Variants in VPS41 observed in about 807,000 individuals in gnomAD.
VPS41 encodes vacuolar protein sorting-associated protein 41 homolog.
A neutral mutation model predicts 130.9 loss-of-function variants in VPS41; 85 were observed. The observed-to-expected ratio is 0.65, with a 90% CI of 0.55 to 0.78. The LOEUF is 0.78. Ranked by LOEUF, VPS41 falls within the 30% of genes least tolerant of loss-of-function variation. VPS41 has a pLI of 0.00. For missense variants in VPS41, 874 were observed against 1,018.7 expected (o/e 0.86, Z 1.93); for synonymous variants, 335 against 332.9 (o/e 1.01, Z -0.07).
intron 25 of VPS41, among the ~76,000 whole-genome samples, chr7:38,731,676 C>A (rs2115562372): frequency 6.6e-6 from 1 of 152,278 alleles, no homozygotes; most frequent in Non-Finnish European, 1.5e-5. Context: ...GCACACTCTT[C>A]TGTTACTCAG....
intron 4 of VPS41, among the ~76,000 whole-genome samples, chr7:38,841,611 TTTG>T (rs942482746): frequency 7.9e-5 from 12 of 152,164 alleles, no homozygotes; most frequent in African/African-American, 1.2e-4. Flanking sequence ...ACTCACAACT[TTTG>T]TTGTTGTTGT....
intron 3 of VPS41, among the ~76,000 whole-genome samples, chr7:38,864,612 T>A (rs1178581814): frequency 6.6e-6 from 1 of 152,178 alleles, no homozygotes; most frequent in Non-Finnish European, 1.5e-5. Context: ...TGAGTCATAT[T>A]TTCATCATTT....
intron 17 of VPS41, among the ~76,000 whole-genome samples, chr7:38,759,493 A>G (rs1429670895): frequency 6.6e-6 from 1 of 152,214 alleles, no homozygotes; most frequent in Non-Finnish European, 1.5e-5. Context: ...AAGTTTGTTC[A>G]ATAAATATTT....
chr7:38,739,620 G>A (rs1368848450), intron 25 of VPS41, among the ~76,000 whole-genome samples: 5 of 152,124 alleles, frequency 3.3e-5, no homozygotes, highest in African/African-American at 7.2e-5. Context: ...ACCTGCCCCC[G>A]GAGAGCATTT....
chr7:38,897,644 C>CT (rs548150456), intron 2 of VPS41, among the ~76,000 whole-genome samples: 2 of 97,780 alleles, frequency 2.0e-5, no homozygotes, highest in East Asian at 6.1e-4. Flanking sequence ...GACTCCGTCT[C>CT]AAAAAAAAAA....
At chr7:38,827,460 A>C (rs1326912995) in intron 5 of VPS41, among the ~76,000 whole-genome samples, 1 of 152,226 alleles carries the variant, frequency 6.6e-6, no homozygotes, top group Non-Finnish European at 1.5e-5. Flanking sequence ...TTGCCTTGAA[A>C]AGTTCAGGTA....
At chr7:38,898,217 C>T (rs1262565479) in intron 1 of VPS41, 88 bp from the exon 2 acceptor site, 1 of 1,109,594 alleles carries the variant, frequency 9.0e-7, no homozygotes. Context: ...GTTCCTACTA[C>T]CACGCATCTG....
chr7:38,749,678 C>T (rs999559880), intron 22 of VPS41, among the ~76,000 whole-genome samples: 15 of 152,284 alleles, frequency 9.9e-5, no homozygotes, highest in Non-Finnish European at 1.9e-4. Flanking sequence ...CTATGAGTCG[C>T]TCTTTATACA....
intron 7 of VPS41, among the ~76,000 whole-genome samples, chr7:38,816,542 C>G (rs1170085513): frequency 6.6e-6 from 1 of 152,038 alleles, no homozygotes; most frequent in Non-Finnish European, 1.5e-5. Context: ...TCACTGGCTC[C>G]AAACCGAATA....
At chr7:38,883,554 G>A in intron 2 of VPS41, among the ~76,000 whole-genome samples, 1 of 152,028 alleles carries the variant, frequency 6.6e-6, no homozygotes, top group East Asian at 1.9e-4. Flanking sequence ...ATTTCACTTG[G>A]TTTATTATAT....
At chr7:38,890,464 T>C (rs747988660) in intron 2 of VPS41, among the ~76,000 whole-genome samples, 3 of 151,858 alleles carry the variant, frequency 2.0e-5, no homozygotes, top group Non-Finnish European at 4.4e-5. Context: ...TGCAGTGGAG[T>C]GGTGGTTACA....
chr7:38,854,785 T>C (rs550684209), intron 4 of VPS41, among the ~76,000 whole-genome samples: 33 of 151,968 alleles, frequency 2.2e-4, no homozygotes, highest in African/African-American at 8.0e-4. Flanking sequence ...GAAATTAGCA[T>C]TCTATGTGGA....
chr7:38,764,964 G>C (rs1299454610), intron 16 of VPS41, among the ~76,000 whole-genome samples: 1 of 152,152 alleles, frequency 6.6e-6, no homozygotes, highest in African/African-American at 2.4e-5. Context: ...TTACAGGGCA[G>C]ACAGGAGGAG....
chr7:38,809,803 G>A (rs1784908638), intron 7 of VPS41, among the ~76,000 whole-genome samples: 1 of 151,966 alleles, frequency 6.6e-6, no homozygotes, highest in African/African-American at 2.4e-5. Flanking sequence ...ACAGCATCGC[G>A]ACAATTTAAT....
At chr7:38,809,799 T>G (rs1784908408) in intron 7 of VPS41, among the ~76,000 whole-genome samples, 1 of 152,184 alleles carries the variant, frequency 6.6e-6, no homozygotes, top group Admixed American at 6.5e-5. Flanking sequence ...GCAAACAGCA[T>G]CGCGACAATT....
chr7:38,854,396 A>G (rs1785934631), intron 4 of VPS41, among the ~76,000 whole-genome samples: 1 of 152,242 alleles, frequency 6.6e-6, no homozygotes, highest in Non-Finnish European at 1.5e-5. Context: ...TCAAGGATAC[A>G]TAGCTTAAGT....
Position 38,728,830 on chromosome 7 carries a change from G to C in VPS41, c.2260-39C>G, listed in dbSNP as rs755750257. ...TTTAAAAGAAAAGCCATCTTAAGTA[G>C]ACTCAAATCTGAGGGGTGAAGGGAC... On this transcript the variant is annotated intron_variant, in intron 25 of 28. Transcript: ENST00000310301. 5 of 1,583,118 alleles carry C rather than the reference G, an allele frequency of 3.2e-6. No homozygotes were observed. The Admixed American group carries it at 8.4e-5, about 26-fold the overall frequency.
intron 1 of VPS41, among the ~76,000 whole-genome samples, chr7:38,899,698 C>T (rs1787100804): frequency 6.6e-6 from 1 of 152,158 alleles, no homozygotes; most frequent in African/African-American, 2.4e-5. Flanking sequence ...TTAATGACTT[C>T]TAACATCCTT....
intron 7 of VPS41, among the ~76,000 whole-genome samples, chr7:38,817,554 G>A (rs943898783): frequency 1.3e-5 from 2 of 152,170 alleles, no homozygotes; most frequent in African/African-American, 4.8e-5. Flanking sequence ...GGAGGCGGAG[G>A]CTGCAGTGAG....
Sources: allele counts gnomAD v4.1 joint callset (sites outside exome capture counted in the v4.1 genomes callset), GRCh38; gene constraint gnomAD v4.1.1; transcripts MANE v1.5; gene names NCBI Gene and HGNC (gene_info 2026-07-23, HGNC 2026-07-21).